The following SHANK2 variants were observed in gnomAD, a reference collection of about 807,000 sequenced individuals.
The protein encoded by SHANK2 is SH3 and multiple ankyrin repeat domains protein 2.
In SHANK2, 43 loss-of-function variants were observed where a neutral mutation model predicts 133.7. The ratio of observed to expected loss-of-function variants is 0.32; its 90% CI spans 0.25 to 0.41. The LOEUF (loss-of-function observed/expected upper bound fraction) is 0.41. Ranked by LOEUF, SHANK2 falls within the 10% of genes least tolerant of loss-of-function variation. The pLI is 1.00. For synonymous variants in SHANK2, 1,017 were observed against 952.8 expected, an observed-to-expected ratio of 1.07 and a Z score of -1.24; for missense variants, 1,994 against 2,235.8, an observed-to-expected ratio of 0.89 and a Z score of 2.18.
intron 9 of SHANK2, among the ~76,000 whole-genome samples, chr11:71,057,779 G>T (rs968756423): frequency 0.14 from 21,439 of 151,286 alleles, 1,922 homozygotes; most frequent in Middle Eastern, 0.27. Context: ...GAACTCCTGG[G>T]CTCAAGTGAT....
At chr11:70,656,982 C>A (rs1322221313) in intron 17 of SHANK2, among the ~76,000 whole-genome samples, 1 of 152,224 alleles carries the variant, frequency 6.6e-6, no homozygotes, top group African/African-American at 2.4e-5. Context: ...CACGTCGGGG[C>A]ATTCTCACAA....
rs1948113277 is a variant in SHANK2 at position 70,804,219 on chromosome 11, A to G, written c.1663+2783T>C. Among the ~76,000 whole-genome samples, 1 of 152,092 alleles carries G rather than the reference A, an allele frequency of 6.6e-6. No individual in the cohort carries two copies. The highest frequency in any genetic ancestry group is 1.5e-5 in the Non-Finnish European group (1 of 68,000). ...ATATCAAGGGGACAGAATTCCTCCA[A>G]ACGGCCTTGGCTCTGCAGGCAGTGG... On this transcript the variant is annotated intron_variant, in intron 13 of 25. Transcript: ENST00000601538. The surrounding 1 kb of genome is among the most constrained non-coding windows in gnomAD (Gnocchi z 4.1).
chr11:70,782,029 G>A (rs909011722), intron 14 of SHANK2, among the ~76,000 whole-genome samples: 4 of 152,024 alleles, frequency 2.6e-5, no homozygotes, highest in Non-Finnish European at 4.4e-5. Context: ...ACCAAACACC[G>A]CATGTTCTCA....
At chr11:70,476,943 G>A (rs1555150225) in intron 25 of SHANK2, among the ~76,000 whole-genome samples, 1 of 152,236 alleles carries the variant, frequency 6.6e-6, no homozygotes. Context: ...TGGCCCAGAG[G>A]GTTGCCCCAG....
At chr11:70,814,205 G>A (rs1948338996) in intron 12 of SHANK2, among the ~76,000 whole-genome samples, 1 of 152,208 alleles carries the variant, frequency 6.6e-6, no homozygotes, top group African/African-American at 2.4e-5. Context: ...ATGCCTATAA[G>A]CCCAGCTACC....
intron 11 of SHANK2, among the ~76,000 whole-genome samples, chr11:70,832,077 C>G (rs1948734732): frequency 6.6e-6 from 1 of 152,224 alleles, no homozygotes; most frequent in Admixed American, 6.5e-5. Context: ...GGACAAGTCT[C>G]AGCTCTGTGA....
chr11:70,918,818 T>G (rs1053029214), intron 10 of SHANK2, among the ~76,000 whole-genome samples: 1 of 152,166 alleles, frequency 6.6e-6, no homozygotes, highest in East Asian at 1.9e-4. Context: ...TAATTGACTT[T>G]TTAAGTTGAC....
chr11:70,877,344 C>T (rs111281924), intron 11 of SHANK2, among the ~76,000 whole-genome samples: 4,515 of 152,308 alleles, frequency 0.03, 236 homozygotes, highest in African/African-American at 0.1. Flanking sequence ...CAAGAGGCTT[C>T]CTGGGCCGGA....
intron 10 of SHANK2, among the ~76,000 whole-genome samples, chr11:70,931,538 G>A (rs932424452): frequency 2.6e-5 from 4 of 152,312 alleles, no homozygotes; most frequent in Non-Finnish European, 5.9e-5. Context: ...AAGGGAAACC[G>A]AAGAGGCTAT....
intron 17 of SHANK2, among the ~76,000 whole-genome samples, chr11:70,517,950 G>A (rs973322011): frequency 2.0e-5 from 3 of 152,166 alleles, no homozygotes; most frequent in Non-Finnish European, 4.4e-5. Context: ...GGAAAACAGG[G>A]AGAGATATAA....
intron 17 of SHANK2, among the ~76,000 whole-genome samples, chr11:70,543,736 T>G (rs1420379650): frequency 1.3e-5 from 2 of 152,246 alleles, no homozygotes; most frequent in Admixed American, 1.3e-4. Context: ...GAACCCTGAT[T>G]CATAGCTGGT....
chr11:71,094,467 G>T, intron 7 of SHANK2, 70 bp downstream of exon 7: 1 of 1,465,076 alleles, frequency 6.8e-7, no homozygotes, highest in Non-Finnish European at 9.2e-7. Context: ...GGCACTGCGG[G>T]GATGGGATGG....
Position 70,479,960 on chromosome 11 carries a change from C to T in SHANK2, c.4979+5354G>A, listed in dbSNP as rs1313977787. 4.6e-5 allele frequency among the ~76,000 whole-genome samples: 7 copies of T among 152,198 alleles called. No homozygotes were observed. Among genetic ancestry groups the T allele is most frequent in the African/African-American group, 1.7e-4 (7 of 41,454 alleles). ...AGTCTCCCTGCTTGTCTCCAGAATG[C>T]AGGCCCTACACTCCCACAGCAGCCT... On this transcript the variant is annotated intron_variant, in intron 25 of 25. Coordinates refer to ENST00000601538, the MANE Select transcript of SHANK2 (RefSeq NM_012309.5). The surrounding 1 kb of genome is among the most constrained non-coding windows in gnomAD (Gnocchi z 4.4).
Position 70,487,746 on chromosome 11 carries a change from T to C in SHANK2, c.2573-26A>G. 6.4e-7 allele frequency: 1 copy of C among 1,551,002 alleles called. No homozygotes were observed. The highest frequency in any genetic ancestry group is 2.0e-5 in the Admixed American group (1 of 51,028). On this transcript the variant is annotated intron_variant, in intron 24 of 25. Transcript: ENST00000601538. This position sits in a 1 kb window ranked among gnomAD's most constrained non-coding sequence, Gnocchi z 5.8. ...CTACAAGCAGAAAACAGGTTTAGCT[T>C]TAAGTCACAATAGCAACAAAGCCTA...
intron 8 of SHANK2, among the ~76,000 whole-genome samples, chr11:71,079,097 G>A (rs1324955783): frequency 6.6e-6 from 1 of 152,224 alleles, no homozygotes; most frequent in African/African-American, 2.4e-5. Context: ...ATGAGTACCA[G>A]GCGAATGGTC....
intron 12 of SHANK2, among the ~76,000 whole-genome samples, chr11:70,814,130 C>A (rs370611442): frequency 6.6e-6 from 1 of 152,164 alleles, no homozygotes; most frequent in Non-Finnish European, 1.5e-5. Flanking sequence ...TGGAGACCAG[C>A]CTGGCCAACA....
intron 6 of SHANK2, among the ~76,000 whole-genome samples, chr11:71,096,375 G>A (rs1315355528): frequency 2.6e-5 from 4 of 152,234 alleles, no homozygotes; most frequent in African/African-American, 9.6e-5. Context: ...AGTTCCACAT[G>A]TGCACAGAGA....
intron 2 of SHANK2, among the ~76,000 whole-genome samples, chr11:71,152,405 C>G (rs1431002126): frequency 6.6e-6 from 1 of 152,182 alleles, no homozygotes; most frequent in South Asian, 2.1e-4. Context: ...TGAGCCACCG[C>G]GCCTGGCCAG....
chr11:70,819,220 G>A (rs555486859), intron 12 of SHANK2, among the ~76,000 whole-genome samples: 11 of 152,262 alleles, frequency 7.2e-5, no homozygotes, highest in Non-Finnish European at 1.5e-4. Context: ...CAAGTCACCA[G>A]ATGCCAGAGC....
Sources: allele counts gnomAD v4.1 joint callset (sites outside exome capture counted in the v4.1 genomes callset), GRCh38; gene constraint gnomAD v4.1.1; non-coding constraint Gnocchi (gnomAD v3.1); transcripts MANE v1.5; gene names NCBI Gene and HGNC (gene_info 2026-07-23, HGNC 2026-07-21).